CORO7: variants seen among roughly 807,000 people sequenced by gnomAD.
CORO7 encodes coronin-7.
A neutral mutation model predicts 126.6 loss-of-function variants in CORO7; 107 were observed. The ratio of observed to expected loss-of-function variants is 0.85; its 90% CI spans 0.72 to 0.99. CORO7 has a LOEUF of 0.99. Among genes scored for constraint, CORO7 ranks in the 50% least tolerant of loss-of-function variants. The probability of loss-of-function intolerance (pLI) is 0.00; values close to 1 mark genes in which losing one functional copy is unlikely to be tolerated. For synonymous variants in CORO7, 603 were observed against 536.8 expected, an observed-to-expected ratio of 1.12 and a Z score of -1.70; for missense variants, 1,314 against 1,255.8, an observed-to-expected ratio of 1.05 and a Z score of -0.70.
intron 6 of CORO7, among the ~76,000 whole-genome samples, chr16:4,400,326 C>G (rs557721832): frequency 3.3e-5 from 5 of 152,070 alleles, no homozygotes; most frequent in African/African-American, 1.2e-4. Flanking sequence ...AGGTGAAACC[C>G]CATCTCTAAA....
At chr16:4,380,271 CCGGCCACTTCCTGG>C (rs1334926625) in intron 9 of CORO7, among the ~76,000 whole-genome samples, 9 of 152,220 alleles carry the variant, frequency 5.9e-5, no homozygotes. Flanking sequence ...AACCTTCCCG[CCGGCCACTTCCTGG>C]CGGCCCGCAG....
chr16:4,395,452 C>A, intron 6 of CORO7, 113 bp from the exon 7 acceptor site: 2 of 1,399,062 alleles, frequency 1.4e-6, no homozygotes, highest in Non-Finnish European at 2.0e-6. Flanking sequence ...ATCCCCAGCA[C>A]GCAGGGCTGC....
chr16:4,401,834 G>A (rs368112848), intron 6 of CORO7, among the ~76,000 whole-genome samples: 7 of 152,022 alleles, frequency 4.6e-5, no homozygotes, highest in Non-Finnish European at 7.4e-5. Context: ...CCGACAGCCC[G>A]AGTCCAGATG....
intron 9 of CORO7, chr16:4,380,906 CGCTGCTCCTGCTACTG>C (rs1567271696): frequency 1.9e-6 from 3 of 1,558,038 alleles, no homozygotes; most frequent in Non-Finnish European, 2.6e-6. Flanking sequence ...CTGCTGCTGC[CGCTGCTCCTGCTACTG>C]GCCCTGGGGC....
intron 9 of CORO7, among the ~76,000 whole-genome samples, chr16:4,368,590 A>G (rs1290842308): frequency 6.6e-6 from 1 of 151,890 alleles, no homozygotes; most frequent in African/African-American, 2.4e-5. Flanking sequence ...TCTACTAAAA[A>G]TGCAAAAATG....
intron 6 of CORO7, among the ~76,000 whole-genome samples, chr16:4,402,999 T>C (rs1198026394): frequency 6.6e-6 from 1 of 151,564 alleles, no homozygotes; most frequent in Non-Finnish European, 1.5e-5. Context: ...GCACGGAGGC[T>C]TCCCCGCCAG....
intron 6 of CORO7, among the ~76,000 whole-genome samples, chr16:4,395,996 T>TGTGTGTGTGTGTG (rs55837244): frequency 0.53 from 80,408 of 151,014 alleles, 22,882 homozygotes; most frequent in Non-Finnish European, 0.65. Context: ...CATGCACACG[T>TGTGTGTGTGTGTG]TGTGTGTGTG....
At chr16:4,366,363 G>A (rs1239551634) in intron 9 of CORO7, among the ~76,000 whole-genome samples, 1 of 129,116 alleles carries the variant, frequency 7.7e-6, no homozygotes, top group East Asian at 1.9e-4. Flanking sequence ...GTCACTGGCC[G>A]GGCTTTATGC....
chr16:4,383,691 C>T (rs577775815), intron 9 of CORO7, among the ~76,000 whole-genome samples: 2 of 152,286 alleles, frequency 1.3e-5, no homozygotes, highest in South Asian at 4.1e-4. Context: ...TGAGGTGAGG[C>T]TGGGCCCAGG....
chr16:4,369,057 C>T (rs999652532), intron 9 of CORO7, among the ~76,000 whole-genome samples: 1 of 152,246 alleles, frequency 6.6e-6, no homozygotes, highest in Non-Finnish European at 1.5e-5. Flanking sequence ...TGGTGCTCAG[C>T]CTCCCTCACC....
intron 9 of CORO7, chr16:4,382,135 T>C: frequency 6.3e-7 from 1 of 1,590,560 alleles, no homozygotes. Context: ...TGGGGGCACA[T>C]GCCACCTGGG....
intron 9 of CORO7, chr16:4,382,134 A>T (rs1054709300): frequency 1.3e-6 from 2 of 1,590,460 alleles, no homozygotes; most frequent in African/African-American, 2.7e-5. Context: ...ATGGGGGCAC[A>T]TGCCACCTGG....
At chr16:4,400,143 C>T (rs1316259934) in intron 6 of CORO7, among the ~76,000 whole-genome samples, 1 of 152,158 alleles carries the variant, frequency 6.6e-6, no homozygotes, top group East Asian at 1.9e-4. Flanking sequence ...ATGCATTTAT[C>T]ACAACCCATA....
intron 9 of CORO7, among the ~76,000 whole-genome samples, chr16:4,367,980 C>G (rs909454757): frequency 6.6e-6 from 1 of 152,154 alleles, no homozygotes; most frequent in Non-Finnish European, 1.5e-5. Flanking sequence ...GGGAGAATCA[C>G]TTGAGCCCAG....
Position 4,413,305 on chromosome 16 carries a change from T to G in CORO7, c.157+3A>C. The G allele has an allele frequency of 1.3e-6, 2 of 1,572,110 alleles. No homozygotes were observed. Among genetic ancestry groups the G allele is most frequent in the South Asian group, 2.3e-5 (2 of 85,816 alleles). Reference sequence around the variant, plus strand: ...AATATCCACACTCATGGCCATTCCCTACCAGGACGGTCGGAGTTGAAGGCG... The same window carrying G: ...AATATCCACACTCATGGCCATTCCCGACCAGGACGGTCGGAGTTGAAGGCG... On this transcript the variant is annotated splice_donor_region_variant and intron_variant, in intron 2 of 27. Coordinates refer to ENST00000251166, the MANE Select transcript of CORO7 (RefSeq NM_024535.5).
intron 9 of CORO7, among the ~76,000 whole-genome samples, chr16:4,385,651 A>C (rs2055170979): frequency 6.6e-6 from 1 of 152,130 alleles, no homozygotes; most frequent in African/African-American, 2.4e-5. Flanking sequence ...AGGCTGCCTG[A>C]GCACAGACAG....
intron 21 of CORO7, 74 bp downstream of exon 21, chr16:4,360,204 A>G: frequency 6.3e-7 from 1 of 1,595,380 alleles, no homozygotes; most frequent in Non-Finnish European, 8.6e-7. Context: ...AAGCCTGACA[A>G]ATGTATGTGA....
chr16:4,390,902 C>T (rs562853875), intron 7 of CORO7, among the ~76,000 whole-genome samples: 11 of 152,344 alleles, frequency 7.2e-5, no homozygotes, highest in African/African-American at 2.2e-4. Flanking sequence ...GCCCCAGAAA[C>T]GCTCTGCTTC....
chr16:4,404,578 G>C (rs1040433921), intron 6 of CORO7, among the ~76,000 whole-genome samples: 1 of 152,170 alleles, frequency 6.6e-6, no homozygotes, highest in Admixed American at 6.5e-5. Context: ...GCTCAGCAAG[G>C]CTGCAGCCAC....
Sources: allele counts gnomAD v4.1 joint callset (sites outside exome capture counted in the v4.1 genomes callset), GRCh38; gene constraint gnomAD v4.1.1; transcripts MANE v1.5; gene names NCBI Gene and HGNC (gene_info 2026-07-23, HGNC 2026-07-21).